TDRD10: variants seen among roughly 807,000 people sequenced by gnomAD.
TDRD10 encodes the protein tudor domain-containing protein 10.
In TDRD10, 40 loss-of-function variants were observed where a neutral mutation model predicts 48.0. The observed-to-expected ratio is 0.83, with a 90% CI of 0.65 to 1.09. The LOEUF (loss-of-function observed/expected upper bound fraction) is 1.09, where lower values mean the gene tolerates loss of function less well. Ranked by LOEUF, TDRD10 falls within the 50% of genes least tolerant of loss-of-function variation. TDRD10 has a pLI of 0.00. For missense variants in TDRD10, 378 were observed against 434.7 expected (o/e 0.87, Z 1.16); for synonymous variants, 162 against 170.4 (o/e 0.95, Z 0.38).
At chr1:154,507,177 G>C in intron 2 of TDRD10, 64 bp from the exon 3 acceptor site, 1 of 1,456,834 alleles carries the variant, frequency 6.9e-7, no homozygotes, top group South Asian at 1.2e-5. Context: ...GCTTATGCCT[G>C]ACACGTTTCC....
Position 154,547,734 on chromosome 1 carries a change from C to T in TDRD10, c.*24C>T. 1.2e-6 allele frequency: 2 copies of T among 1,612,712 alleles called. No homozygotes were observed. Among genetic ancestry groups the T allele is most frequent in the East Asian group, 2.2e-5 (1 of 44,880 alleles). ...AACGGGGCTTCCCTCAGCATGTTCC[C>T]TCTCCTGTTTGCCACGGATCCAGAG... On this transcript the variant is annotated 3_prime_UTR_variant, in exon 13 of 13. Transcript: ENST00000368482.
intron 10 of TDRD10, 50 bp from the exon 11 acceptor site, chr1:154,544,745 T>C: frequency 6.3e-7 from 1 of 1,595,846 alleles, no homozygotes; most frequent in Non-Finnish European, 8.5e-7. Flanking sequence ...CTGCTGTGCA[T>C]GGCACTAGGC....
rs1210756125 is a variant in TDRD10 at position 154,502,815 on chromosome 1, G to T, written c.-242G>T. 6.6e-6 allele frequency: 1 copy of T among 152,314 alleles called. No individual in the cohort carries two copies. The highest frequency in any genetic ancestry group is 1.5e-5 in the Non-Finnish European group (1 of 68,116). 9.4% of individuals were successfully genotyped at this position (152,314 alleles called of 1,614,324 possible). The stretch of plus-strand genomic sequence containing the variant: ...TTGCGGCCCGAGGTCCGGGCGCAGG[G>T]ACAACGGTCGCCAGCTCCTGCGCTA... On this transcript the variant is annotated 5_prime_UTR_variant, in exon 1 of 13. Transcript: ENST00000368482.
rs553149859 is a variant in TDRD10, at chr1:154,543,131, C to T, written c.503+310C>T. 3.8e-4 allele frequency among the ~76,000 whole-genome samples: 58 copies of T among 152,132 alleles called. No individual in the cohort carries two copies. In the South Asian group the frequency reaches 6.2e-3, roughly 16 times the overall value. The stretch of plus-strand genomic sequence containing the variant: ...TCTCTACTAAAAATAAAAAATTAGC[C>T]GGGCATGGTGGTGGGCATCTGTAGT... On this transcript the variant is annotated intron_variant, in intron 8 of 12. Transcript: ENST00000368482.
intron 5 of TDRD10, 119 bp from the exon 6 acceptor site, chr1:154,521,204 C>A: frequency 2.0e-6 from 2 of 1,002,638 alleles, no homozygotes; most frequent in Non-Finnish European, 3.0e-6. Context: ...AACAGTTCAT[C>A]TTCCATCACT....
Position 154,544,536 on chromosome 1 carries a change from G to T in TDRD10, c.797+19G>T, listed in dbSNP as rs1476635934. 3 of 1,611,386 alleles carry T rather than the reference G, an allele frequency of 1.9e-6. No homozygotes were observed. Among genetic ancestry groups the T allele is most frequent in the Non-Finnish European group, 2.5e-6 (3 of 1,178,206 alleles). On this transcript the variant is annotated intron_variant, in intron 10 of 12. Transcript: ENST00000368482. Reference sequence around the variant, plus strand: ...GGAACAGGTGTGTGCCTGGGCAGGGGTAGAGTCTATGGGAGAGGCGTGCAG... The same window carrying T: ...GGAACAGGTGTGTGCCTGGGCAGGGTTAGAGTCTATGGGAGAGGCGTGCAG...
At chr1:154,544,773 T>C (rs376156637) in intron 10 of TDRD10, 22 bp from the exon 11 acceptor site, 1 of 1,612,290 alleles carries the variant, frequency 6.2e-7, no homozygotes, top group South Asian at 1.1e-5. Context: ...TTGTCCTCTG[T>C]CTTTCTCTTT....
At chr1:154,506,380 C>T (rs1457323362) in intron 1 of TDRD10, among the ~76,000 whole-genome samples, 2 of 145,148 alleles carry the variant, frequency 1.4e-5, no homozygotes, top group African/African-American at 2.5e-5. Context: ...ACGTCTCTCT[C>T]TTTTTTTTTT....
At chr1:154,538,094 T>C (rs1695019656) in intron 6 of TDRD10, among the ~76,000 whole-genome samples, 1 of 152,228 alleles carries the variant, frequency 6.6e-6, no homozygotes, top group Admixed American at 6.5e-5. Flanking sequence ...CCTCTGGAAC[T>C]TAATTTTACA....
intron 9 of TDRD10, 95 bp downstream of exon 9, chr1:154,544,205 T>C: frequency 6.3e-7 from 1 of 1,587,160 alleles, no homozygotes. Context: ...GTGGTGGAGA[T>C]GCAGGGTAAC....
At chr1:154,527,746 A>G (rs559248289) in intron 6 of TDRD10, among the ~76,000 whole-genome samples, 1 of 152,376 alleles carries the variant, frequency 6.6e-6, no homozygotes, top group Admixed American at 6.5e-5. Context: ...GATATTTGCA[A>G]TAATATAACT....
At chr1:154,515,060 G>A (rs537855112) in intron 4 of TDRD10, among the ~76,000 whole-genome samples, 1 of 151,982 alleles carries the variant, frequency 6.6e-6, no homozygotes, top group South Asian at 2.1e-4. Flanking sequence ...TAGAGACGGG[G>A]CTTCACCATA....
At chr1:154,508,330 C>G (rs1693262495) in intron 3 of TDRD10, 93 bp from the exon 4 acceptor site, 2 of 870,530 alleles carry the variant, frequency 2.3e-6, no homozygotes, top group Admixed American at 1.8e-5. Context: ...GACTGGGCAA[C>G]ATAGAGAGAC....
intron 4 of TDRD10, among the ~76,000 whole-genome samples, chr1:154,514,870 A>AT (rs1413936880): frequency 6.7e-6 from 1 of 150,074 alleles, no homozygotes; most frequent in African/African-American, 2.5e-5. Context: ...TTATTTATTT[A>AT]TTTATTTTTT....
chr1:154,542,807 C>T lies in TDRD10; in HGVS notation c.489C>T (p.Val163=), dbSNP rs1418744533. 6.2e-7 allele frequency: 1 copy of T among 1,613,662 alleles called. No homozygotes were observed. Among genetic ancestry groups the T allele is most frequent in the Non-Finnish European group, 8.5e-7 (1 of 1,179,780 alleles). Residue 163 remains valine (V), a synonymous_variant, in exon 8 of 13, where the codon GTC becomes GTT. Coordinates refer to ENST00000368482, the MANE Select transcript of TDRD10 (RefSeq NM_182499.4). Reference sequence around the variant, plus strand: ...AACTGAGGGCAGCCTTCTTTGCAGTCCCGTTGGAAATGAGGTGAGCAAGGT... The same window carrying T: ...AACTGAGGGCAGCCTTCTTTGCAGTTCCGTTGGAAATGAGGTGAGCAAGGT... ...TEKLRAAFFA[V]PLEMRGSFLV... is the part of the protein sequence containing the mutation.
intron 6 of TDRD10, among the ~76,000 whole-genome samples, chr1:154,527,710 T>C (rs1235236665): frequency 1.3e-5 from 2 of 152,146 alleles, no homozygotes; most frequent in Non-Finnish European, 2.9e-5. Flanking sequence ...TAAAGAAAGA[T>C]AAATTCAAGC....
intron 4 of TDRD10, among the ~76,000 whole-genome samples, chr1:154,515,923 G>T (rs1179775786): frequency 6.6e-6 from 1 of 151,838 alleles, no homozygotes; most frequent in Non-Finnish European, 1.5e-5. Context: ...CACCATGTTG[G>T]CCAGGCTGAT....
In TDRD10 at chr1:154,547,395, G is replaced by A; in HGVS notation, c.953-14G>A. ...CGTGCCACTGAGGTTTTGTTGTTGT[G>A]TCTTGTTTTGCAGACATTTTGAGTT... On this transcript the variant is annotated splice_polypyrimidine_tract_variant and intron_variant, in intron 11 of 12. Coordinates refer to ENST00000368482, the MANE Select transcript of TDRD10 (RefSeq NM_182499.4). The A allele has an allele frequency of 6.2e-7, 1 of 1,614,106 alleles. No homozygotes were observed. The highest frequency in any genetic ancestry group is 8.5e-7 in the Non-Finnish European group (1 of 1,180,004).
At chr1:154,533,921 G>C (rs568867473) in intron 6 of TDRD10, among the ~76,000 whole-genome samples, 5 of 150,300 alleles carry the variant, frequency 3.3e-5, no homozygotes, top group Non-Finnish European at 7.4e-5. Context: ...ATTGTTTGTA[G>C]AGATGGGGTC....
Sources: allele counts gnomAD v4.1 joint callset (sites outside exome capture counted in the v4.1 genomes callset), GRCh38; gene constraint gnomAD v4.1.1; transcripts MANE v1.5; gene names NCBI Gene and HGNC (gene_info 2026-07-23, HGNC 2026-07-21).